Variants in ITPR1 observed in about 807,000 individuals in gnomAD.
ITPR1 encodes inositol 1,4,5-trisphosphate receptor type 1.
ITPR1 carries 96 observed loss-of-function variants against 318.4 expected under a neutral mutation model. That is an observed-to-expected ratio of 0.30 (90% CI 0.26 to 0.36). The LOEUF (loss-of-function observed/expected upper bound fraction) is 0.36, where lower values mean the gene tolerates loss of function less well. Ranked by LOEUF, ITPR1 falls within the 10% of genes least tolerant of loss-of-function variation. The probability of loss-of-function intolerance (pLI) is 1.00; values close to 1 mark genes in which losing one functional copy is unlikely to be tolerated. For missense variants in ITPR1, 2,440 were observed against 3,460.2 expected, an observed-to-expected ratio of 0.71 and a Z score of 7.40; for synonymous variants, 1,312 against 1,289.9, an observed-to-expected ratio of 1.02 and a Z score of -0.37.
At chr3:4,744,258 G>A (rs1399796635) in intron 44 of ITPR1, among the ~76,000 whole-genome samples, 1 of 152,244 alleles carries the variant, frequency 6.6e-6, no homozygotes, top group Non-Finnish European at 1.5e-5. Flanking sequence ...GTAAAGTGAG[G>A]CATCAATTCA....
At chr3:4,794,954 C>T (rs537648225) in intron 52 of ITPR1, 111 bp from the exon 53 acceptor site, 24 of 1,213,432 alleles carry the variant, frequency 2.0e-5, no homozygotes, top group African/African-American at 6.1e-5. Context: ...TGGTAAAAAC[C>T]GGGAACAAAA....
intron 52 of ITPR1, among the ~76,000 whole-genome samples, chr3:4,794,314 A>C (rs948341781): frequency 6.6e-6 from 1 of 152,150 alleles, no homozygotes; most frequent in Non-Finnish European, 1.5e-5. Flanking sequence ...GGTGGCAGCA[A>C]TGTCCAAAGC....
intron 4 of ITPR1, among the ~76,000 whole-genome samples, chr3:4,619,686 C>T (rs1442384528): frequency 0.023 from 145 of 6,188 alleles, 32 homozygotes; most frequent in African/African-American, 0.038. Context: ...CCCTGCTCTC[C>T]TCTGCTCTCC....
In ITPR1 at chr3:4,629,187, CTTTATTTTAT is replaced by C. The variant is rs548765828; in HGVS notation, c.279+1325_279+1334del. Among the ~76,000 whole-genome samples the C allele has an allele frequency of 2.6e-3, 401 of 152,216 alleles. 3 individuals are homozygous for C. The highest frequency in any genetic ancestry group is 9.1e-3 in the African/African-American group (380 of 41,560). On this transcript the variant is annotated intron_variant, in intron 5 of 61. Coordinates refer to ENST00000649015, the MANE Select transcript of ITPR1 (RefSeq NM_001378452.1). ...CTTAACTACATTCTGGCCGTATGAG[CTTTATTTTAT>C]TTTATTTTATTTTATATTTTATTTT... is the stretch of plus-strand genomic sequence containing the variant.
intron 39 of ITPR1, among the ~76,000 whole-genome samples, chr3:4,714,526 G>A (rs1425483870): frequency 6.6e-6 from 1 of 152,200 alleles, no homozygotes; most frequent in Non-Finnish European, 1.5e-5. Context: ...GGGGCTAAGA[G>A]CTGAGAGACT....
intron 42 of ITPR1, among the ~76,000 whole-genome samples, chr3:4,730,325 C>T (rs2042823990): frequency 2.2e-5 from 3 of 139,498 alleles, no homozygotes; most frequent in Non-Finnish European, 4.6e-5. Context: ...GAATATGTGC[C>T]AAAAACCTTA....
chr3:4,582,626 T>A (rs1362325516), intron 4 of ITPR1, among the ~76,000 whole-genome samples: 1 of 152,222 alleles, frequency 6.6e-6, no homozygotes, highest in Admixed American at 6.5e-5. Context: ...ATAGAGAGGA[T>A]TCATTCTGGA....
At chr3:4,718,871 T>A (rs370327804) in intron 40 of ITPR1, among the ~76,000 whole-genome samples, 2 of 152,240 alleles carry the variant, frequency 1.3e-5, no homozygotes, top group Admixed American at 1.3e-4. Flanking sequence ...CTGAATTTGA[T>A]GTTGGCACCC....
intron 44 of ITPR1, among the ~76,000 whole-genome samples, chr3:4,736,757 G>C (rs2043303253): frequency 6.6e-6 from 1 of 152,230 alleles, no homozygotes; most frequent in Non-Finnish European, 1.5e-5. Context: ...CTGGGCTCCT[G>C]TGTTGGGAGG....
intron 42 of ITPR1, among the ~76,000 whole-genome samples, chr3:4,729,183 T>C (rs535625326): frequency 3.5e-4 from 53 of 152,316 alleles, no homozygotes; most frequent in African/African-American, 1.2e-3. Flanking sequence ...TGGGGTTTTC[T>C]TTTTGCCAGA....
intron 5 of ITPR1, among the ~76,000 whole-genome samples, chr3:4,632,927 G>GTTTTTTTTT (rs2093057800): frequency 1.7e-5 from 2 of 118,102 alleles, no homozygotes; most frequent in African/African-American, 7.8e-5. Context: ...TGACTTTCAG[G>GTTTTTTTTT]TCTTTTTTTT....
chr3:4,655,177 C>T (rs376580309), intron 12 of ITPR1, among the ~76,000 whole-genome samples: 1 of 152,156 alleles, frequency 6.6e-6, no homozygotes, highest in Non-Finnish European at 1.5e-5. Flanking sequence ...TGTCCTTGCA[C>T]CTTCTTTATT....
At chr3:4,725,396 G>A (rs547300463) in intron 40 of ITPR1, 150 bp from the exon 41 acceptor site, 1 of 691,296 alleles carries the variant, frequency 1.4e-6, no homozygotes, top group South Asian at 1.5e-5. Flanking sequence ...CTTGATTGCT[G>A]AAGCCCACTT....
At chr3:4,521,559 A>G (rs2082568511) in intron 4 of ITPR1, among the ~76,000 whole-genome samples, 1 of 152,158 alleles carries the variant, frequency 6.6e-6, no homozygotes, top group Non-Finnish European at 1.5e-5. Flanking sequence ...GAGTTAAAAG[A>G]CATAGGCAGG....
chr3:4,575,107 A>T (rs913110224), intron 4 of ITPR1, among the ~76,000 whole-genome samples: 1 of 152,244 alleles, frequency 6.6e-6, no homozygotes, highest in Admixed American at 6.5e-5. Flanking sequence ...AGTGAAAAAG[A>T]CTTTCTTAGG....
intron 52 of ITPR1, among the ~76,000 whole-genome samples, chr3:4,793,642 G>A (rs1359447478): frequency 2.0e-5 from 3 of 152,172 alleles, no homozygotes; most frequent in Non-Finnish European, 2.9e-5. Context: ...GGTTGACTGG[G>A]TCCTGGCTGG....
At chr3:4,697,643 G>T (rs550168304) in intron 34 of ITPR1, among the ~76,000 whole-genome samples, 2 of 151,802 alleles carry the variant, frequency 1.3e-5, no homozygotes, top group Admixed American at 6.6e-5. Context: ...GTAGAAACAG[G>T]GTTTCATCAT....
intron 44 of ITPR1, among the ~76,000 whole-genome samples, chr3:4,760,779 A>G (rs1016283156): frequency 7.2e-5 from 11 of 152,016 alleles, no homozygotes; most frequent in African/African-American, 2.4e-4. Flanking sequence ...TCCTTCTCAC[A>G]TTGCCTCTCG....
intron 4 of ITPR1, among the ~76,000 whole-genome samples, chr3:4,539,332 G>T (rs1437783665): frequency 1.3e-5 from 2 of 152,090 alleles, no homozygotes; most frequent in African/African-American, 4.8e-5. Flanking sequence ...GGCTTGCTTT[G>T]TGGCCTAGCA....
Sources: gnomAD v4.1 joint callset for allele counts (sites outside exome capture counted in the v4.1 genomes callset) on GRCh38, gnomAD v4.1.1 for gene constraint, MANE v1.5 for transcripts, NCBI Gene and HGNC (gene_info 2026-07-23, HGNC 2026-07-21) for gene names.